ATP9B: variants seen among roughly 807,000 people sequenced by gnomAD.
ATP9B encodes the protein probable phospholipid-transporting ATPase IIB.
In ATP9B, 110 loss-of-function variants were observed where a neutral mutation model predicts 146.1. The observed-to-expected ratio is 0.75, with a 90% CI of 0.65 to 0.88. The LOEUF (loss-of-function observed/expected upper bound fraction) is 0.88. ATP9B is among the 40% of genes least tolerant of loss of function. The pLI is 0.00. For synonymous variants in ATP9B, 604 were observed against 569.7 expected, an observed-to-expected ratio of 1.06 and a Z score of -0.86; for missense variants, 1,499 against 1,496.4, an observed-to-expected ratio of 1.00 and a Z score of -0.03.
intron 12 of ATP9B, among the ~76,000 whole-genome samples, chr18:79,256,286 T>TACACAC (rs1555791765): frequency 8.1e-6 from 1 of 123,072 alleles, no homozygotes; most frequent in African/African-American, 3.2e-5. Context: ...TATATATATA[T>TACACAC]ACATACATAG....
At chr18:79,070,495 A>G (rs1252628382) in intron 1 of ATP9B, among the ~76,000 whole-genome samples, 1 of 152,250 alleles carries the variant, frequency 6.6e-6, no homozygotes, top group Non-Finnish European at 1.5e-5. Context: ...ATTGGAGATT[A>G]CAGTAGAACA....
intron 13 of ATP9B, among the ~76,000 whole-genome samples, chr18:79,281,998 C>G (rs994806162): frequency 2.0e-5 from 3 of 152,290 alleles, no homozygotes; most frequent in African/African-American, 7.2e-5. Flanking sequence ...GAAGTTGATT[C>G]CGACCCTCAG....
chr18:79,213,934 T>A, intron 10 of ATP9B, 28 bp from the exon 11 acceptor site: 1 of 1,539,568 alleles, frequency 6.5e-7, no homozygotes, highest in Non-Finnish European at 8.8e-7. Context: ...AAAGTATTTC[T>A]ACAAGGACCA....
chr18:79,337,664 C>G lies in ATP9B; in HGVS notation c.2283+215C>G, dbSNP rs1681235. 3.9e-5 allele frequency among the ~76,000 whole-genome samples: 6 copies of G among 152,332 alleles called. No individual in the cohort carries two copies. In the East Asian group the frequency reaches 9.6e-4, roughly 24 times the overall value. On this transcript the variant is annotated intron_variant, in intron 19 of 29. Transcript: ENST00000426216. ...CCACCCCTACTCCAGACCTTCCTCT[C>G]TACACCTCTTCCCTCTCTGGATACC...
intron 25 of ATP9B, chr18:79,353,416 AAACACC>A (rs2096932776): frequency 6.6e-6 from 1 of 152,362 alleles, no homozygotes; most frequent in Non-Finnish European, 1.5e-5. Flanking sequence ...CAGACTGGGA[AAACACC>A]AACGGCCATC....
chr18:79,211,148 G>A (rs546729193), intron 10 of ATP9B, among the ~76,000 whole-genome samples: 15 of 152,294 alleles, frequency 9.8e-5, no homozygotes, highest in African/African-American at 3.6e-4. Flanking sequence ...GTTTGGAAGT[G>A]CTGGATTATG....
intron 4 of ATP9B, chr18:79,117,555 G>A (rs1007996595): frequency 6.6e-6 from 1 of 152,318 alleles, no homozygotes; most frequent in South Asian, 2.1e-4. Flanking sequence ...CTCCAGGGTG[G>A]GAGGAGGTCA....
Position 79,328,009 on chromosome 18 carries a change from G to A in ATP9B, c.1774-1132G>A, listed in dbSNP as rs1169854443. ...GGTTAGCGTGCTCTCCGTGGTTAGCGTGCTCTCCGTGGTTAGCGTGCTCTC... is the reference window on the plus strand; with the variant it reads ...GGTTAGCGTGCTCTCCGTGGTTAGCATGCTCTCCGTGGTTAGCGTGCTCTC... On this transcript the variant is annotated intron_variant, in intron 15 of 29. Transcript: ENST00000426216. Among the ~76,000 whole-genome samples, 7 of 147,972 alleles carry A rather than the reference G, an allele frequency of 4.7e-5. No homozygotes were observed. In the South Asian group the frequency reaches 6.6e-4, roughly 14 times the overall value.
At chr18:79,243,897 G>T (rs1304801896) in intron 11 of ATP9B, among the ~76,000 whole-genome samples, 1 of 152,102 alleles carries the variant, frequency 6.6e-6, no homozygotes, top group Admixed American at 6.5e-5. Context: ...ATACTTGTTG[G>T]CATGCCAAAG....
Position 79,217,336 on chromosome 18 carries a change from C to T in ATP9B, c.1107+3298C>T, listed in dbSNP as rs369299628. ...AGTAGCTGGGACTACAGGCGTCCACCGCCACGCCTGGCTAATTTTTTGTAT... is the reference window on the plus strand; with the variant it reads ...AGTAGCTGGGACTACAGGCGTCCACTGCCACGCCTGGCTAATTTTTTGTAT... On this transcript the variant is annotated intron_variant, in intron 11 of 29. Transcript: ENST00000426216. 2.4e-3 allele frequency among the ~76,000 whole-genome samples: 370 copies of T among 152,332 alleles called. 2 individuals are homozygous for T. Among genetic ancestry groups the T allele is most frequent in the South Asian group, 6.4e-3 (31 of 4,830 alleles).
Position 79,225,013 on chromosome 18 carries a change from G to A in ATP9B, c.1107+10975G>A, listed in dbSNP as rs561953157. ...GTCAGACAGGAAAGTCTGCCAGTAGGGACTGTGTTATCCTGGTCTACATTG... is the reference window on the plus strand; with the variant it reads ...GTCAGACAGGAAAGTCTGCCAGTAGAGACTGTGTTATCCTGGTCTACATTG... On this transcript the variant is annotated intron_variant, in intron 11 of 29. Transcript: ENST00000426216. 1.8e-4 allele frequency among the ~76,000 whole-genome samples: 27 copies of A among 151,924 alleles called. 1 individual carries two copies. Among genetic ancestry groups the A allele is most frequent in the South Asian group, 1.2e-3 (6 of 4,828 alleles).
intron 13 of ATP9B, among the ~76,000 whole-genome samples, chr18:79,293,598 C>CT (rs1440054773): frequency 2.0e-5 from 3 of 152,318 alleles, no homozygotes; most frequent in East Asian, 3.9e-4. Context: ...GATGCAGCAC[C>CT]TCAGCCTCGG....
intron 8 of ATP9B, among the ~76,000 whole-genome samples, chr18:79,178,321 A>T (rs1240090074): frequency 6.6e-6 from 1 of 152,084 alleles, no homozygotes; most frequent in East Asian, 1.9e-4. Context: ...TTTTTATTGT[A>T]GTCATTCTGA....
intron 7 of ATP9B, among the ~76,000 whole-genome samples, chr18:79,175,971 A>G (rs762426769): frequency 6.6e-6 from 1 of 152,210 alleles, no homozygotes; most frequent in African/African-American, 2.4e-5. Flanking sequence ...GTTCTTAACT[A>G]TAATGTATTT....
intron 12 of ATP9B, among the ~76,000 whole-genome samples, chr18:79,259,890 C>T (rs540037609): frequency 2.0e-5 from 3 of 152,260 alleles, no homozygotes; most frequent in African/African-American, 7.2e-5. Flanking sequence ...CCTCATTTTC[C>T]AGGTAGAATG....
intron 15 of ATP9B, among the ~76,000 whole-genome samples, chr18:79,327,799 T>G (rs542467971): frequency 2.3e-5 from 3 of 128,640 alleles, no homozygotes; most frequent in African/African-American, 9.0e-5. Flanking sequence ...TAGCGTGCTC[T>G]CCGTGGTTAG....
intron 8 of ATP9B, among the ~76,000 whole-genome samples, chr18:79,185,709 G>A (rs971301426): frequency 6.6e-6 from 1 of 152,172 alleles, no homozygotes; most frequent in Non-Finnish European, 1.5e-5. Flanking sequence ...AGGCAATTGA[G>A]TTTTTCATGT....
At chr18:79,185,110 G>A (rs1179732205) in intron 8 of ATP9B, among the ~76,000 whole-genome samples, 2 of 152,140 alleles carry the variant, frequency 1.3e-5, no homozygotes, top group Non-Finnish European at 2.9e-5. Context: ...GGTTGCATGG[G>A]GGCACGGGGA....
At chr18:79,262,293 A>G (rs1399925810) in intron 12 of ATP9B, among the ~76,000 whole-genome samples, 1 of 152,182 alleles carries the variant, frequency 6.6e-6, no homozygotes, top group Non-Finnish European at 1.5e-5. Flanking sequence ...TAGGAAAAAA[A>G]ATACTTTTCT....
Sources: allele counts gnomAD v4.1 joint callset (sites outside exome capture counted in the v4.1 genomes callset), GRCh38; gene constraint gnomAD v4.1.1; transcripts MANE v1.5; gene names NCBI Gene and HGNC (gene_info 2026-07-23, HGNC 2026-07-21).